Variants in PDE1C observed in about 807,000 individuals in gnomAD.
PDE1C encodes the protein phosphodiesterase 1C.
Under a neutral mutation model 93.1 loss-of-function variants are expected in PDE1C, and 62 were observed. The ratio of observed to expected loss-of-function variants is 0.67; its 90% CI spans 0.54 to 0.82. The LOEUF is 0.82. PDE1C is among the 40% of genes least tolerant of loss of function. The pLI, the probability that PDE1C is intolerant of heterozygous loss-of-function variation, is 0.00. For synonymous variants in PDE1C, 325 were observed against 310.1 expected (o/e 1.05, Z -0.50); for missense variants, 742 against 884.6 (o/e 0.84, Z 2.04).
At chr7:32,006,360 A>G (rs1432957182) in intron 2 of PDE1C, among the ~76,000 whole-genome samples, 1 of 152,186 alleles carries the variant, frequency 6.6e-6, no homozygotes, top group Non-Finnish European at 1.5e-5. Context: ...TATTTATCTT[A>G]AAATAGAAAA....
intron 3 of PDE1C, among the ~76,000 whole-genome samples, chr7:32,167,577 T>A (rs916205625): frequency 6.6e-6 from 1 of 152,160 alleles, no homozygotes; most frequent in Non-Finnish European, 1.5e-5. Flanking sequence ...GGATAAGCGA[T>A]GATTCTTGAA....
chr7:31,728,705 T>A, the PDE1C span, among the ~76,000 whole-genome samples: 1 of 152,204 alleles, frequency 6.6e-6, no homozygotes, highest in Non-Finnish European at 1.5e-5. Flanking sequence ...ATTGACAGCC[T>A]ACTCTGCCTA....
At chr7:31,883,787 A>G (rs541524689) in intron 2 of PDE1C, among the ~76,000 whole-genome samples, 2 of 152,350 alleles carry the variant, frequency 1.3e-5, no homozygotes, top group East Asian at 3.9e-4. Context: ...TCCAATGAGT[A>G]GCACTGAAAT....
At chr7:31,721,128 G>A in the PDE1C span, among the ~76,000 whole-genome samples, 1 of 152,074 alleles carries the variant, frequency 6.6e-6, no homozygotes, top group African/African-American at 2.4e-5. Flanking sequence ...AACATTCCAG[G>A]GTCCATTGTA....
chr7:32,049,730 C>T (rs1793094606), intron 2 of PDE1C, among the ~76,000 whole-genome samples: 1 of 152,090 alleles, frequency 6.6e-6, no homozygotes, highest in Admixed American at 6.6e-5. Context: ...AATTCCATAA[C>T]ACCCAAGTCA....
At position 32,281,790 on chromosome 7, in the gene PDE1C, T is replaced by C. The variant is rs186053778; in HGVS notation, c.85+16861A>G. ...AACCAACCCAAATGTCCATCAATGATAGACTGGATTAAGAACATGTGGCAC... is the reference window on the plus strand; with the variant it reads ...AACCAACCCAAATGTCCATCAATGACAGACTGGATTAAGAACATGTGGCAC... On this transcript the variant is annotated intron_variant, in intron 1 of 18. Coordinates refer to the PDE1C transcript ENST00000396193. Among the ~76,000 whole-genome samples the C allele has an allele frequency of 5.9e-5, 9 of 152,260 alleles. No individual in the cohort carries two copies. The East Asian group carries it at 1.2e-3, about 20-fold the overall frequency.
chr7:31,992,191 A>T (rs1784223385), intron 2 of PDE1C, among the ~76,000 whole-genome samples: 1 of 152,228 alleles, frequency 6.6e-6, no homozygotes. Context: ...TATCCTGGGT[A>T]TGAGCAAGCA....
chr7:31,968,906 T>G (rs1336147246), intron 2 of PDE1C, among the ~76,000 whole-genome samples: 4 of 152,118 alleles, frequency 2.6e-5, no homozygotes, highest in African/African-American at 4.8e-5. Context: ...AATAAATCAT[T>G]CTGGGAAAAC....
At chr7:32,382,286 G>A (rs1784551193) in intron 1 of PDE1C, among the ~76,000 whole-genome samples, 1 of 152,164 alleles carries the variant, frequency 6.6e-6, no homozygotes, top group Admixed American at 6.5e-5. Context: ...TGGCTCAGCT[G>A]TATTCATAGG....
At chr7:31,962,422 T>A (rs1809132701) in intron 2 of PDE1C, among the ~76,000 whole-genome samples, 1 of 152,220 alleles carries the variant, frequency 6.6e-6, no homozygotes, top group Non-Finnish European at 1.5e-5. Flanking sequence ...GAGTCTGCAA[T>A]GAACATGCTT....
At chr7:32,063,352 A>C (rs1049123574) in intron 1 of PDE1C, among the ~76,000 whole-genome samples, 1 of 152,200 alleles carries the variant, frequency 6.6e-6, no homozygotes, top group Non-Finnish European at 1.5e-5. Context: ...TCCTATAAAC[A>C]CTTTTCTTCC....
At chr7:32,108,230 CA>C (rs71559210) in intron 3 of PDE1C, among the ~76,000 whole-genome samples, 3,610 of 77,082 alleles carry the variant, frequency 0.047, 114 homozygotes, top group East Asian at 0.25. Context: ...AAAAGCAAGA[CA>C]AAAAAAAAAA....
chr7:31,685,510 A>G, the PDE1C span, among the ~76,000 whole-genome samples: 1 of 152,232 alleles, frequency 6.6e-6, no homozygotes, highest in African/African-American at 2.4e-5. Context: ...CAAGGATTTC[A>G]GAAGGAAAGT....
chr7:31,621,795 A>G, the PDE1C span, among the ~76,000 whole-genome samples: 1 of 150,610 alleles, frequency 6.6e-6, no homozygotes. Context: ...TGCTCCAATT[A>G]AAAGACACAG....
chr7:31,743,132 C>T, the PDE1C span, among the ~76,000 whole-genome samples: 2 of 152,170 alleles, frequency 1.3e-5, no homozygotes, highest in African/African-American at 4.8e-5. Context: ...AATCCATCTC[C>T]ATTTGGCAGC....
intron 2 of PDE1C, among the ~76,000 whole-genome samples, chr7:32,019,647 T>C (rs1234457593): frequency 1.3e-5 from 2 of 152,072 alleles, no homozygotes; most frequent in African/African-American, 4.8e-5. Flanking sequence ...GTTTGAACCA[T>C]GCTATTAATG....
intron 2 of PDE1C, among the ~76,000 whole-genome samples, chr7:32,180,982 G>A (rs1337234912): frequency 1.3e-5 from 2 of 152,144 alleles, no homozygotes; most frequent in East Asian, 3.9e-4. Flanking sequence ...AAGTAATGAG[G>A]GGAAACCCCT....
At chr7:31,669,938 A>T in the PDE1C span, among the ~76,000 whole-genome samples, 1 of 152,210 alleles carries the variant, frequency 6.6e-6, no homozygotes, top group Admixed American at 6.5e-5. Context: ...GGAGGTTTGC[A>T]TATCAGGGAA....
chr7:32,059,386 CA>C, intron 1 of PDE1C, among the ~76,000 whole-genome samples: 1 of 152,290 alleles, frequency 6.6e-6, no homozygotes, highest in East Asian at 1.9e-4. Flanking sequence ...GAGAAGGTAA[CA>C]AACTCCAAAC....
Sources: allele counts gnomAD v4.1 joint callset (sites outside exome capture counted in the v4.1 genomes callset), GRCh38; gene constraint gnomAD v4.1.1; transcripts MANE v1.5; gene names NCBI Gene and HGNC (gene_info 2026-07-23, HGNC 2026-07-21).